The following EBF1 variants were observed in gnomAD, a reference collection of about 807,000 sequenced individuals.
EBF1 encodes the protein EBF transcription factor 1.
A neutral mutation model predicts 68.4 loss-of-function variants in EBF1; 10 were observed. The ratio of observed to expected loss-of-function variants is 0.15; its 90% confidence interval spans 0.09 to 0.25. The LOEUF (loss-of-function observed/expected upper bound fraction) is 0.25. Among genes scored for constraint, EBF1 ranks in the 10% least tolerant of loss-of-function variants. The pLI is 1.00. For missense variants in EBF1, 509 were observed against 794.4 expected (o/e 0.64, Z 4.32); for synonymous variants, 298 against 299.8 (o/e 0.99, Z 0.06).
intron 7 of EBF1, among the ~76,000 whole-genome samples, chr5:158,824,243 C>T (rs1049286855): frequency 3.3e-5 from 5 of 152,160 alleles, no homozygotes; most frequent in African/African-American, 7.2e-5. Flanking sequence ...GCAATCAGCC[C>T]GCTCCCGTTT....
At chr5:158,733,693 C>G (rs370497883) in intron 10 of EBF1, among the ~76,000 whole-genome samples, 1 of 152,274 alleles carries the variant, frequency 6.6e-6, no homozygotes, top group East Asian at 1.9e-4. Flanking sequence ...GGGCTTTTAA[C>G]TTATGTCCCA....
At chr5:158,893,649 A>G (rs1297609926) in intron 6 of EBF1, among the ~76,000 whole-genome samples, 1 of 152,206 alleles carries the variant, frequency 6.6e-6, no homozygotes, top group African/African-American at 2.4e-5. Flanking sequence ...GTCTTCTAAT[A>G]AAGGTTCCAC....
At chr5:158,930,124 T>C (rs1357394822) in intron 6 of EBF1, among the ~76,000 whole-genome samples, 1 of 152,222 alleles carries the variant, frequency 6.6e-6, no homozygotes, top group Non-Finnish European at 1.5e-5. Context: ...ATTGTACTTT[T>C]GAGTGTTAGA....
At chr5:159,019,726 T>C (rs1357419464) in intron 6 of EBF1, among the ~76,000 whole-genome samples, 1 of 152,184 alleles carries the variant, frequency 6.6e-6, no homozygotes, top group Non-Finnish European at 1.5e-5. Flanking sequence ...AACAGCGATT[T>C]GCATTAAAAC....
In EBF1 at chr5:158,708,152, A is replaced by G. The variant is rs1758310566; in HGVS notation, c.1571T>C (p.Met524Thr). 6.3e-7 allele frequency: 1 copy of G among 1,584,840 alleles called. No individual in the cohort carries two copies. Among genetic ancestry groups the G allele is most frequent in the Non-Finnish European group, 8.6e-7 (1 of 1,164,996 alleles). Residue 524 changes from methionine to threonine, a missense_variant, in exon 15 of 16, where the codon ATG becomes ACG. Physicochemically the swap from Met to Thr is moderately conservative, Grantham distance 81. Around this residue, in one of 3 missense-constraint regions of EBF1, gnomAD observed 205 missense variants for 247.4 expected, o/e 0.83. Transcript: ENST00000313708. The stretch of plus-strand genomic sequence containing the variant: ...GGAGGGGAGGCTTGTGGAGGAGGCC[A>G]TGGTGGGGCTGGATGGCACTACTGA... ...PYAIVPSSPT[M>T]ASSTSLPSNC...
At chr5:159,089,084 T>C (rs1022933298) in intron 4 of EBF1, among the ~76,000 whole-genome samples, 11 of 152,244 alleles carry the variant, frequency 7.2e-5, no homozygotes, top group African/African-American at 2.6e-4. Flanking sequence ...TTTATTTTTG[T>C]GATATACTAG....
At chr5:158,719,788 ATTTTGAGAC>A (rs1761548106) in intron 11 of EBF1, among the ~76,000 whole-genome samples, 1 of 152,150 alleles carries the variant, frequency 6.6e-6, no homozygotes, top group African/African-American at 2.4e-5. Flanking sequence ...TCAGCATTAG[ATTTTGAGAC>A]TCTGGGAACT....
At chr5:158,915,356 T>C (rs1806924832) in intron 6 of EBF1, among the ~76,000 whole-genome samples, 1 of 152,244 alleles carries the variant, frequency 6.6e-6, no homozygotes, top group Non-Finnish European at 1.5e-5. Flanking sequence ...CATTTCCAGC[T>C]GTTGCTGGAA....
intron 6 of EBF1, among the ~76,000 whole-genome samples, chr5:158,916,847 G>A (rs1807303725): frequency 1.3e-5 from 2 of 152,098 alleles, no homozygotes; most frequent in Admixed American, 1.3e-4. Context: ...CAGCTCAGCG[G>A]GTATACATTT....
At chr5:158,922,593 C>T (rs4073884) in intron 6 of EBF1, among the ~76,000 whole-genome samples, 2,723 of 152,264 alleles carry the variant, frequency 0.018, 99 homozygotes, top group African/African-American at 0.062. Flanking sequence ...TTAAATTACA[C>T]ACAGCAGATC....
At chr5:158,923,228 G>A (rs1250162420) in intron 6 of EBF1, among the ~76,000 whole-genome samples, 1 of 152,152 alleles carries the variant, frequency 6.6e-6, no homozygotes, top group Non-Finnish European at 1.5e-5. Flanking sequence ...TCCAATGGGG[G>A]TAAAATTTTT....
chr5:159,091,526 C>T (rs2127996849), intron 4 of EBF1, among the ~76,000 whole-genome samples: 2 of 152,192 alleles, frequency 1.3e-5, no homozygotes, highest in South Asian at 2.1e-4. Flanking sequence ...TTGTTTATTT[C>T]CCCAAATATA....
At chr5:158,892,569 G>A (rs1327416628) in intron 6 of EBF1, among the ~76,000 whole-genome samples, 1 of 152,152 alleles carries the variant, frequency 6.6e-6, no homozygotes, top group Non-Finnish European at 1.5e-5. Flanking sequence ...CTGGCCTCAT[G>A]CGATGGGGTC....
At chr5:158,959,752 T>C (rs1817809108) in intron 6 of EBF1, among the ~76,000 whole-genome samples, 1 of 152,172 alleles carries the variant, frequency 6.6e-6, no homozygotes, top group African/African-American at 2.4e-5. Flanking sequence ...ATTACTCAAC[T>C]TTCTAAAGAC....
At chr5:159,038,162 C>T (rs148465820) in intron 6 of EBF1, among the ~76,000 whole-genome samples, 32 of 152,262 alleles carry the variant, frequency 2.1e-4, no homozygotes, top group Middle Eastern at 3.4e-3. Context: ...GTCCTTTCTC[C>T]CTAAACTCAC....
intron 4 of EBF1, among the ~76,000 whole-genome samples, chr5:159,085,720 A>G (rs189188038): frequency 1.3e-5 from 2 of 152,344 alleles, no homozygotes; most frequent in East Asian, 3.9e-4. Flanking sequence ...TTTCTTGATG[A>G]CAAAACTACT....
chr5:158,978,712 C>A (rs1007830100), intron 6 of EBF1, among the ~76,000 whole-genome samples: 1 of 150,864 alleles, frequency 6.6e-6, no homozygotes, highest in African/African-American at 2.4e-5. Context: ...GCTTAATAGG[C>A]TTGATTAAGG....
chr5:159,086,197 A>T (rs1780612108), intron 4 of EBF1, among the ~76,000 whole-genome samples: 1 of 152,126 alleles, frequency 6.6e-6, no homozygotes. Flanking sequence ...TATTTTATTA[A>T]ATTTGCTTTA....
chr5:158,777,442 T>G lies in EBF1; in HGVS notation c.1007A>C (p.Lys336Thr). The change falls in exon 10 of 16, where the codon AAA becomes ACA. Residue 336 changes from lysine (K) to threonine (T), a missense_variant. This residue lies in a region of EBF1 where 230 missense variants were observed against 467.7 expected (regional missense o/e 0.49). Transcript: ENST00000313708. ...TLSYKSKQFC[K>T]GTPGRFIYTA... ...ATAAATGAATCTGCCTGGTGTTCCTTTGCAGAACTGCTTAGATTTGTAGGA... is the reference window on the plus strand; with the variant it reads ...ATAAATGAATCTGCCTGGTGTTCCTGTGCAGAACTGCTTAGATTTGTAGGA... 2 of 1,612,506 alleles carry G rather than the reference T, an allele frequency of 1.2e-6. No homozygotes were observed. Among genetic ancestry groups the G allele is most frequent in the Non-Finnish European group, 1.7e-6 (2 of 1,179,032 alleles).
Sources: gnomAD v4.1 joint callset for allele counts (sites outside exome capture counted in the v4.1 genomes callset) on GRCh38, gnomAD v4.1.1 for gene constraint, gnomAD v4.1.1 regional missense constraint, MANE v1.5 for transcripts, NCBI Gene and HGNC (gene_info 2026-07-23, HGNC 2026-07-21) for gene names.